Variants in E2F7 observed in about 807,000 individuals in gnomAD.
E2F7 encodes E2F transcription factor 7.
In E2F7, 35 loss-of-function variants were observed where a neutral mutation model predicts 81.1. The observed-to-expected ratio is 0.43, with a 90% CI of 0.33 to 0.57. E2F7 has a LOEUF of 0.57. Ranked by LOEUF, E2F7 falls within the 20% of genes least tolerant of loss-of-function variation. The probability of loss-of-function intolerance (pLI) is 0.04; values close to 1 mark genes in which losing one functional copy is unlikely to be tolerated. For synonymous variants in E2F7, 416 were observed against 416.2 expected (o/e 1.00, Z 0.01); for missense variants, 961 against 1,093.7 (o/e 0.88, Z 1.71).
At chr12:77,061,143 A>G (rs1426470501) in intron 2 of E2F7, among the ~76,000 whole-genome samples, 1 of 151,956 alleles carries the variant, frequency 6.6e-6, no homozygotes, top group African/African-American at 2.4e-5. Context: ...ATTATTTGCC[A>G]CTCCCACGTA....
At chr12:77,049,585 T>C (rs887862631) in intron 4 of E2F7, among the ~76,000 whole-genome samples, 1 of 152,218 alleles carries the variant, frequency 6.6e-6, no homozygotes, top group African/African-American at 2.4e-5. Context: ...ATTAGAGAGC[T>C]GGGCTTCAAA....
intron 11 of E2F7, among the ~76,000 whole-genome samples, chr12:77,027,467 A>C (rs1187005399): frequency 1.3e-5 from 2 of 152,220 alleles, no homozygotes; most frequent in Admixed American, 6.5e-5. Flanking sequence ...AAGTGGTTTT[A>C]AATGTCAAGC....
At chr12:77,036,715 T>A (rs893337692) in intron 7 of E2F7, among the ~76,000 whole-genome samples, 1 of 151,444 alleles carries the variant, frequency 6.6e-6, no homozygotes, top group African/African-American at 2.4e-5. Context: ...GCATGGGCGA[T>A]ACCACCTGGC....
intron 5 of E2F7, chr12:77,045,832 T>C (rs1954934895): frequency 3.4e-6 from 2 of 592,338 alleles, no homozygotes; most frequent in East Asian, 5.6e-5. Context: ...TCGAGTGAAC[T>C]GCCATGAGCC....
chr12:77,057,079 G>A (rs1347369725), intron 2 of E2F7, among the ~76,000 whole-genome samples: 3 of 151,790 alleles, frequency 2.0e-5, no homozygotes, highest in East Asian at 3.9e-4. Context: ...TGGAGATAGG[G>A]TCTCACTCTG....
At chr12:77,027,611 A>G (rs140521199) in intron 11 of E2F7, among the ~76,000 whole-genome samples, 2 of 152,344 alleles carry the variant, frequency 1.3e-5, no homozygotes, top group Non-Finnish European at 2.9e-5. Context: ...TGCTAGACTC[A>G]GCTGAATTAC....
At position 77,025,766 on chromosome 12, in the gene E2F7, G is replaced by T. The variant is rs1032986415; in HGVS notation, c.2357C>A (p.Pro786His). Residue 786 changes from proline (P) to histidine (H), a missense_variant, in exon 12 of 13, where the codon CCT (proline) becomes CAT (histidine). Physicochemically the swap from Pro to His is moderately conservative, Grantham distance 77. Coordinates refer to ENST00000322886, the MANE Select transcript of E2F7 (RefSeq NM_203394.3). ...AAGCTGGGCTATTGATCCAAGGCCA[G>T]GCAAGCTGAAATTCACAGGTCCTGT... ...PNTGPVNFSL[P>H]GLGSIAQLLV... The T allele has an allele frequency of 1.2e-6, 2 of 1,614,136 alleles. No individual in the cohort carries two copies. The highest frequency in any genetic ancestry group is 2.2e-5 in the South Asian group (2 of 91,068).
At chr12:77,047,803 G>A (rs1330253259) in intron 4 of E2F7, among the ~76,000 whole-genome samples, 1 of 152,204 alleles carries the variant, frequency 6.6e-6, no homozygotes, top group East Asian at 1.9e-4. Context: ...CTGCCGGAAG[G>A]TGCTGGCAGG....
Position 77,022,781 on chromosome 12 carries a change from C to T in E2F7, c.*1234G>A, listed in dbSNP as rs1954723789. On this transcript the variant is annotated 3_prime_UTR_variant, in exon 13 of 13. Transcript: ENST00000322886. ...GTATAGTTTGGCGACTTAATGCACCCCTAAAGTAATGTGGGTTAAAAAAGG... is the reference window on the plus strand; with the variant it reads ...GTATAGTTTGGCGACTTAATGCACCTCTAAAGTAATGTGGGTTAAAAAAGG... 2.0e-5 allele frequency: 3 copies of T among 152,120 alleles called. No individual in the cohort carries two copies. Among genetic ancestry groups the T allele is most frequent in the African/African-American group, 7.2e-5 (3 of 41,504 alleles). The allele number at this position is 152,120 out of a possible 1,614,324, so 9.4% of individuals were successfully genotyped here. A position where few individuals can be genotyped will look rare whatever the true frequency, so the allele number is the denominator to read the frequency against.
intron 11 of E2F7, among the ~76,000 whole-genome samples, chr12:77,026,864 A>G (rs1003103988): frequency 7.9e-5 from 12 of 152,322 alleles, no homozygotes; most frequent in African/African-American, 2.9e-4. Flanking sequence ...TGCATTCAAT[A>G]TAATTGGCTT....
chr12:77,033,001 C>T (rs1216479807), intron 9 of E2F7, 49 bp downstream of exon 9: 5 of 1,556,324 alleles, frequency 3.2e-6, no homozygotes, highest in African/African-American at 1.4e-5. Context: ...TCAAAGTTAA[C>T]ACTAGGAGAT....
intron 3 of E2F7, among the ~76,000 whole-genome samples, chr12:77,052,387 C>T (rs1954997543): frequency 1.3e-5 from 2 of 152,082 alleles, no homozygotes; most frequent in African/African-American, 4.8e-5. Flanking sequence ...AGGAGGAGTT[C>T]AGAAACAGAC....
chr12:77,033,178 T>C lies in E2F7; in HGVS notation c.1310-56A>G, dbSNP rs1954819977. On this transcript the variant is annotated intron_variant, in intron 8 of 12. Transcript: ENST00000322886. ...TAGCAAGAGACTTATACATACCAAC[T>C]ATATACTGAGAATTATCTAGCTGAG... 4 of 1,422,192 alleles carry C rather than the reference T, an allele frequency of 2.8e-6. No individual in the cohort carries two copies. In the Admixed American group the frequency reaches 7.2e-5, roughly 26 times the overall value. 88.1% of individuals were successfully genotyped at this position (1,422,192 alleles called of 1,614,324 possible). A position where few individuals can be genotyped will look rare whatever the true frequency, so the allele number is the denominator to read the frequency against.
chr12:77,064,211 T>C (rs1955099943), intron 2 of E2F7, among the ~76,000 whole-genome samples: 1 of 152,238 alleles, frequency 6.6e-6, no homozygotes, highest in Admixed American at 6.5e-5. Context: ...TCCTGGGAAC[T>C]GAGGCTTAGC....
chr12:77,042,394 T>C (rs1954901155), intron 7 of E2F7, among the ~76,000 whole-genome samples: 1 of 152,208 alleles, frequency 6.6e-6, no homozygotes, highest in Non-Finnish European at 1.5e-5. Context: ...ATTGGAAGGG[T>C]AATTTAAAAA....
chr12:77,033,190 A>G (rs752065437), intron 8 of E2F7, 68 bp from the exon 9 acceptor site: 28 of 1,342,420 alleles, frequency 2.1e-5, no homozygotes, highest in Non-Finnish European at 2.9e-5. Flanking sequence ...TATACTGAGA[A>G]TTATCTAGCT....
At chr12:77,055,749 CT>C (rs536704650) in intron 3 of E2F7, 105 bp downstream of exon 3, 198 of 1,337,616 alleles carry the variant, frequency 1.5e-4, no homozygotes, top group Non-Finnish European at 1.4e-4. Context: ...TTTGCCACTG[CT>C]TTTGGCTCAA....
chr12:77,046,101 C>CT lies in E2F7; in HGVS notation c.765dup (p.Asp256ArgfsTer3). On this transcript the variant is annotated frameshift_variant, in exon 5 of 13. Transcript: ENST00000322886. LOFTEE classifies it high-confidence loss of function. ...TGTTCCTGGGAATCTGGATCACCAT[C>CT]TTTTTTACGTTCTCCAAATTTATAA... 1 of 1,614,190 alleles carries CT rather than the reference C, an allele frequency of 6.2e-7. No individual in the cohort carries two copies. The highest frequency in any genetic ancestry group is 8.5e-7 in the Non-Finnish European group (1 of 1,180,036).
intron 2 of E2F7, among the ~76,000 whole-genome samples, chr12:77,058,364 G>C (rs12298846): frequency 0.26 from 38,833 of 152,046 alleles, 5,341 homozygotes; most frequent in East Asian, 0.55. Context: ...CTTGGCTGAG[G>C]TCACCTATGA....
Sources: gnomAD v4.1 joint callset for allele counts (sites outside exome capture counted in the v4.1 genomes callset) on GRCh38, gnomAD v4.1.1 for gene constraint, MANE v1.5 for transcripts, NCBI Gene and HGNC (gene_info 2026-07-23, HGNC 2026-07-21) for gene names.